The following ERLIN1 variants were observed in gnomAD, a reference collection of about 807,000 sequenced individuals.
The protein encoded by ERLIN1 is erlin-1.
Under a neutral mutation model 46.9 loss-of-function variants are expected in ERLIN1, and 24 were observed. That is an observed-to-expected ratio of 0.51 (90% confidence interval 0.37 to 0.72). The LOEUF is 0.72. Among genes scored for constraint, ERLIN1 ranks in the 30% least tolerant of loss-of-function variants. The pLI, the probability that ERLIN1 is intolerant of heterozygous loss-of-function variation, is 0.00. For missense variants in ERLIN1, 293 were observed against 417.9 expected (o/e 0.70, Z 2.61); for synonymous variants, 158 against 143.2 (o/e 1.10, Z -0.74).
chr10:100,175,823 T>C, intron 5 of ERLIN1, 122 bp downstream of exon 5: 1 of 714,324 alleles, frequency 1.4e-6, no homozygotes, highest in Non-Finnish European at 2.1e-6. Flanking sequence ...AGACAATTGC[T>C]CTATGATAAA....
chr10:100,153,599 C>T (rs1842918448), intron 10 of ERLIN1, among the ~76,000 whole-genome samples: 1 of 152,190 alleles, frequency 6.6e-6, no homozygotes, highest in Non-Finnish European at 1.5e-5. Flanking sequence ...CTATCTTCTC[C>T]AGGTGATTCA....
At chr10:100,158,026 A>T (rs1006407378) in intron 8 of ERLIN1, among the ~76,000 whole-genome samples, 22 of 152,226 alleles carry the variant, frequency 1.4e-4, no homozygotes, top group African/African-American at 5.1e-4. Context: ...AACTTAAGCC[A>T]AGGGGGAGCC....
At chr10:100,178,284 A>C in intron 3 of ERLIN1, 90 bp from the exon 4 acceptor site, 1 of 778,032 alleles carries the variant, frequency 1.3e-6, no homozygotes, top group Non-Finnish European at 2.1e-6. Flanking sequence ...ATAATGAAAC[A>C]TACTAATATT....
chr10:100,175,877 C>A, intron 5 of ERLIN1, 68 bp downstream of exon 5: 1 of 1,421,150 alleles, frequency 7.0e-7, no homozygotes, highest in African/African-American at 1.4e-5. Context: ...ACCAATATAA[C>A]CTCAATAAGT....
At chr10:100,155,392 TC>T (rs1278502794) in intron 9 of ERLIN1, among the ~76,000 whole-genome samples, 2 of 150,622 alleles carry the variant, frequency 1.3e-5, no homozygotes, top group African/African-American at 2.4e-5. Context: ...CATCAACATC[TC>T]ACTATGTGAA....
At chr10:100,180,614 C>A (rs1164295560) in intron 2 of ERLIN1, among the ~76,000 whole-genome samples, 1 of 151,996 alleles carries the variant, frequency 6.6e-6, no homozygotes. Context: ...TATAGGCGAA[C>A]GAAAGTAGAT....
chr10:100,152,588 TA>T lies in ERLIN1; in HGVS notation c.826-237del, dbSNP rs202152893. The stretch of plus-strand genomic sequence containing the variant: ...GCAAGAGAAGCTGTTCACTTTTTAA[TA>T]AAAGGATGGGGGAGTTGGAAAACAA... On this transcript the variant is annotated intron_variant, in intron 10 of 10. Transcript: ENST00000421367. 0.012 allele frequency among the ~76,000 whole-genome samples: 1,773 copies of T among 152,316 alleles called. 47 individuals carry two copies. The highest frequency in any genetic ancestry group is 0.04 in the African/African-American group (1,672 of 41,564).
rs1243092638 is a variant in ERLIN1, at chr10:100,151,993, A to G, written c.*138T>C. 2 of 712,698 alleles carry G rather than the reference A, an allele frequency of 2.8e-6. No individual in the cohort carries two copies. The highest frequency in any genetic ancestry group is 1.5e-5 in the South Asian group (1 of 66,732). 44.1% of individuals were successfully genotyped at this position (712,698 alleles called of 1,614,324 possible). ...GCTGGCTCTATCCTCCAATCAGTGG[A>G]GCACCCAGGACTATCGCAGGAGAGG... On this transcript the variant is annotated 3_prime_UTR_variant, in exon 11 of 11. Coordinates refer to ENST00000421367, the MANE Select transcript of ERLIN1 (RefSeq NM_006459.4).
At chr10:100,184,920 G>C (rs1257290420) in intron 1 of ERLIN1, among the ~76,000 whole-genome samples, 3 of 152,090 alleles carry the variant, frequency 2.0e-5, no homozygotes, top group Admixed American at 6.5e-5. Context: ...TGGTAATTAG[G>C]CTGAAGGAAA....
intron 6 of ERLIN1, among the ~76,000 whole-genome samples, chr10:100,170,011 C>T (rs944324259): frequency 5.3e-5 from 8 of 152,090 alleles, no homozygotes; most frequent in Admixed American, 6.5e-5. Context: ...GAGGGAGACC[C>T]TGTCTCAAAA....
rs1286698493 is a variant in ERLIN1 at position 100,175,926 on chromosome 10, TAAG to T, written c.430+16_430+18del. On this transcript the variant is annotated intron_variant, in intron 5 of 10. Coordinates refer to ENST00000421367, the MANE Select transcript of ERLIN1 (RefSeq NM_006459.4). ...ATTTCCAATTGGCTATTTACATACA[TAAG>T]AATTAAGACACTTACCAAACAATTC... 1 of 1,608,828 alleles carries T rather than the reference TAAG, an allele frequency of 6.2e-7. No homozygotes were observed. The highest frequency in any genetic ancestry group is 1.3e-5 in the African/African-American group (1 of 74,806).
rs747079829 is a variant in ERLIN1 at position 100,185,665 on chromosome 10, T to C, written c.-39A>G. 3.9e-6 allele frequency: 6 copies of C among 1,527,310 alleles called. No individual in the cohort carries two copies. In the South Asian group the frequency reaches 6.7e-5, roughly 17 times the overall value. The allele number at this position is 1,527,310 out of a possible 1,614,324, so 94.6% of individuals were successfully genotyped here. A position where few individuals can be genotyped will look rare whatever the true frequency, so the allele number is the denominator to read the frequency against. On this transcript the variant is annotated 5_prime_UTR_variant, in exon 1 of 11. Coordinates refer to ENST00000421367, the MANE Select transcript of ERLIN1 (RefSeq NM_006459.4). ...GGGAGCGGGAGAAAAGGACCCTCAG[T>C]CCCGTGAGTGACAGGTCCACCCCCT...
At position 100,183,679 on chromosome 10, in the gene ERLIN1, T is replaced by C. The variant is rs919985688; in HGVS notation, c.195+77A>G. 1.2e-5 allele frequency: 11 copies of C among 916,432 alleles called. No homozygotes were observed. In the African/African-American group the frequency reaches 1.5e-4, roughly 12 times the overall value. 56.8% of individuals were successfully genotyped at this position (916,432 alleles called of 1,614,324 possible). A position where few individuals can be genotyped will look rare whatever the true frequency, so the allele number is the denominator to read the frequency against. On this transcript the variant is annotated intron_variant, in intron 2 of 10. Transcript: ENST00000421367. The stretch of plus-strand genomic sequence containing the variant: ...CATCTGCTTAAGCAATAAGGAAATC[T>C]ATCTCCACCCACAAGTGTGGTAACT...
At chr10:100,174,363 T>C in intron 5 of ERLIN1, 82 bp from the exon 6 acceptor site, 1 of 991,076 alleles carries the variant, frequency 1.0e-6, no homozygotes, top group Non-Finnish European at 1.6e-6. Context: ...AAACTAATCA[T>C]TATTAGACCT....
Position 100,154,875 on chromosome 10 carries a change from A to G in ERLIN1, c.810T>C (p.Tyr270=), listed in dbSNP as rs771172606. 1.2e-6 allele frequency: 2 copies of G among 1,613,890 alleles called. No individual in the cohort carries two copies. Among genetic ancestry groups the G allele is most frequent in the Non-Finnish European group, 1.7e-6 (2 of 1,179,794 alleles). Residue 270 remains tyrosine (Y), a synonymous_variant, in exon 10 of 11, where the codon TAT becomes TAC. Coordinates refer to ENST00000421367, the MANE Select transcript of ERLIN1 (RefSeq NM_006459.4). Reference sequence around the variant, plus strand: ...AGCCAGTCACCTTGTTTGAGGTGGCATATTTGTGTGCAGCATAATATTCAG... The same window carrying G: ...AGCCAGTCACCTTGTTTGAGGTGGCGTATTTGTGTGCAGCATAATATTCAG... ...ADAEYYAAHK[Y]ATSNKHKLTP... is the part of the protein sequence containing the mutation.
In ERLIN1 at chr10:100,151,895, A is replaced by G; in HGVS notation, c.*236T>C. ...CATCAGACTTTCCTCATTCATGAGT[A>G]GCAGTTTAGAAAGGAATACATATAG... On this transcript the variant is annotated 3_prime_UTR_variant, in exon 11 of 11. Coordinates refer to ENST00000421367, the MANE Select transcript of ERLIN1 (RefSeq NM_006459.4). The G allele has an allele frequency of 1.8e-6, 1 of 545,530 alleles. No homozygotes were observed. Among genetic ancestry groups the G allele is most frequent in the East Asian group, 3.2e-5 (1 of 30,998 alleles). 33.8% of individuals were successfully genotyped at this position (545,530 alleles called of 1,614,324 possible). A position where few individuals can be genotyped will look rare whatever the true frequency, so the allele number is the denominator to read the frequency against.
At chr10:100,185,435 G>A (rs533092175) in intron 1 of ERLIN1, 79 bp downstream of exon 1, 13 of 1,144,200 alleles carry the variant, frequency 1.1e-5, no homozygotes, top group Admixed American at 5.4e-5. Flanking sequence ...CGTTGCAGAG[G>A]GAACAACTTC....
intron 3 of ERLIN1, among the ~76,000 whole-genome samples, chr10:100,178,403 A>T (rs1399074308): frequency 6.6e-6 from 1 of 152,224 alleles, no homozygotes; most frequent in African/African-American, 2.4e-5. Flanking sequence ...TAAGTAATTT[A>T]AAAAATACCT....
At chr10:100,163,884 A>T in intron 8 of ERLIN1, 120 bp downstream of exon 8, 1 of 649,162 alleles carries the variant, frequency 1.5e-6, no homozygotes, top group South Asian at 1.9e-5. Flanking sequence ...TGGAGATTCC[A>T]GAATTCCCCA....
Sources: gnomAD v4.1 joint callset for allele counts (sites outside exome capture counted in the v4.1 genomes callset) on GRCh38, gnomAD v4.1.1 for gene constraint, MANE v1.5 for transcripts, NCBI Gene and HGNC (gene_info 2026-07-23, HGNC 2026-07-21) for gene names.